PLPP1: variants seen among roughly 807,000 people sequenced by gnomAD.
PLPP1 encodes lipid phosphate phosphohydrolase 1a.
PLPP1 carries 24 observed loss-of-function variants against 31.2 expected under a neutral mutation model. That is an observed-to-expected ratio of 0.77 (90% CI 0.56 to 1.08). PLPP1 has a LOEUF of 1.08. Ranked by LOEUF, PLPP1 falls within the 50% of genes least tolerant of loss-of-function variation. PLPP1 has a pLI of 0.00. For missense variants in PLPP1, 319 were observed against 342.7 expected, an observed-to-expected ratio of 0.93 and a Z score of 0.55; for synonymous variants, 146 against 126.3, an observed-to-expected ratio of 1.16 and a Z score of -1.05.
At chr5:55,445,230 G>A (rs1037501554) in intron 3 of PLPP1, among the ~76,000 whole-genome samples, 1 of 152,112 alleles carries the variant, frequency 6.6e-6, no homozygotes, top group African/African-American at 2.4e-5. Flanking sequence ...CTCCTCGACT[G>A]AGCATTCTTC....
chr5:55,424,978 G>GCACT lies in PLPP1; in HGVS notation c.*224_*227dup. ...TTTAATAAAAATGTATACAGGTGGGGCACTGTTTTGGTGGAAGGCTTGGAG... is the reference window on the plus strand; with the variant it reads ...TTTAATAAAAATGTATACAGGTGGGGCACTCACTGTTTTGGTGGAAGGCTTGGAG... On this transcript the variant is annotated 3_prime_UTR_variant, in exon 6 of 6. Coordinates refer to ENST00000307259, the MANE Select transcript of PLPP1 (RefSeq NM_003711.4). The GCACT allele has an allele frequency of 1.5e-6, 1 of 650,912 alleles. No homozygotes were observed. The highest frequency in any genetic ancestry group is 2.6e-6 in the Non-Finnish European group (1 of 389,932). 40.3% of individuals were successfully genotyped at this position (650,912 alleles called of 1,614,324 possible). A position where few individuals can be genotyped will look rare whatever the true frequency, so the allele number is the denominator to read the frequency against.
At chr5:55,511,301 G>A (rs1753400802) in intron 1 of PLPP1, among the ~76,000 whole-genome samples, 2 of 152,152 alleles carry the variant, frequency 1.3e-5, no homozygotes, top group South Asian at 2.1e-4. Flanking sequence ...CCACAAGGAC[G>A]TTGTACACAG....
intron 4 of PLPP1, among the ~76,000 whole-genome samples, chr5:55,435,922 G>A (rs1434116828): frequency 6.6e-6 from 1 of 150,766 alleles, no homozygotes; most frequent in Non-Finnish European, 1.5e-5. Flanking sequence ...GCTGAGACAG[G>A]AGAACTGCTT....
chr5:55,475,232 A>G (rs563160684), intron 2 of PLPP1, 67 bp downstream of exon 2: 27 of 1,391,618 alleles, frequency 1.9e-5, no homozygotes, highest in Non-Finnish European at 2.5e-5. Context: ...TTAAGCATTA[A>G]AAGAGTAACA....
chr5:55,443,686 C>G (rs1751686163), intron 3 of PLPP1, among the ~76,000 whole-genome samples: 1 of 152,200 alleles, frequency 6.6e-6, no homozygotes, highest in Admixed American at 6.5e-5. Flanking sequence ...AGCTCTGAAT[C>G]AGCCATAGAA....
chr5:55,472,757 GGAA>G (rs879251234), intron 2 of PLPP1, among the ~76,000 whole-genome samples: 9 of 6,440 alleles, frequency 1.4e-3, no homozygotes, highest in Non-Finnish European at 5.6e-3. Flanking sequence ...AAGAGGAAGA[GGAA>G]GAAGAAGAGG....
intron 2 of PLPP1, among the ~76,000 whole-genome samples, chr5:55,474,005 T>TTTGTTTTTTG (rs1561237125): frequency 2.7e-5 from 4 of 150,536 alleles, no homozygotes; most frequent in African/African-American, 9.8e-5. Context: ...TTGTTTTTTT[T>TTTGTTTTTTG]TTTTTTTTCC....
chr5:55,458,502 T>C (rs933555735), intron 3 of PLPP1, among the ~76,000 whole-genome samples: 18 of 151,908 alleles, frequency 1.2e-4, no homozygotes, highest in African/African-American at 4.3e-4. Context: ...AACATGTCAG[T>C]AGGATACTTA....
At chr5:55,494,308 T>C (rs958687064) in intron 1 of PLPP1, among the ~76,000 whole-genome samples, 7 of 152,138 alleles carry the variant, frequency 4.6e-5, no homozygotes, top group African/African-American at 9.7e-5. Flanking sequence ...GAAGAATGTT[T>C]TGAATATAGA....
At chr5:55,533,072 A>G (rs1740734648) in intron 1 of PLPP1, among the ~76,000 whole-genome samples, 1 of 152,158 alleles carries the variant, frequency 6.6e-6, no homozygotes, top group Non-Finnish European at 1.5e-5. Context: ...AAGATGCTTC[A>G]TATTAACAGG....
At chr5:55,478,327 T>A (rs1752601170) in intron 1 of PLPP1, among the ~76,000 whole-genome samples, 1 of 152,196 alleles carries the variant, frequency 6.6e-6, no homozygotes, top group Non-Finnish European at 1.5e-5. Context: ...GTAAACCCAC[T>A]GTGCAAGGAA....
intron 1 of PLPP1, among the ~76,000 whole-genome samples, chr5:55,512,742 A>ACACACACACC (rs1554041672): frequency 2.6e-5 from 4 of 151,908 alleles, no homozygotes; most frequent in South Asian, 2.1e-4. Context: ...ACACACACAC[A>ACACACACACC]CCCCTTTGGG....
At chr5:55,520,821 G>T (rs906317994) in intron 1 of PLPP1, among the ~76,000 whole-genome samples, 2 of 152,338 alleles carry the variant, frequency 1.3e-5, no homozygotes, top group African/African-American at 4.8e-5. Context: ...AATTATTTCA[G>T]AATTCAGCAG....
intron 1 of PLPP1, chr5:55,491,092 T>C: frequency 1.2e-6 from 2 of 1,613,874 alleles, no homozygotes; most frequent in Non-Finnish European, 1.7e-6. Flanking sequence ...GGCCCAATTT[T>C]AGAACAGCCA....
intron 1 of PLPP1, among the ~76,000 whole-genome samples, chr5:55,506,165 T>C (rs1753272169): frequency 6.7e-6 from 1 of 149,552 alleles, no homozygotes; most frequent in African/African-American, 2.5e-5. Flanking sequence ...GAAAAGACTA[T>C]CAACAAAACC....
intron 2 of PLPP1, among the ~76,000 whole-genome samples, chr5:55,469,200 A>G (rs182168649): frequency 2.0e-5 from 3 of 152,226 alleles, no homozygotes; most frequent in Non-Finnish European, 4.4e-5. Flanking sequence ...CAAAATAAAC[A>G]GTTAAGGCCG....
At chr5:55,432,578 G>A (rs1244122055) in intron 4 of PLPP1, among the ~76,000 whole-genome samples, 1 of 152,046 alleles carries the variant, frequency 6.6e-6, no homozygotes, top group Admixed American at 6.6e-5. Flanking sequence ...TGCAACATAA[G>A]AAACCCATAA....
intron 3 of PLPP1, among the ~76,000 whole-genome samples, chr5:55,459,929 A>T (rs1475678540): frequency 5.9e-5 from 9 of 152,208 alleles, no homozygotes; most frequent in Non-Finnish European, 5.9e-5. Context: ...CACTTACTGA[A>T]TAGCAGATAC....
At chr5:55,440,491 T>G (rs6886572) in intron 4 of PLPP1, among the ~76,000 whole-genome samples, 132,672 of 152,230 alleles carry the variant, frequency 0.87, 58,048 homozygotes, top group South Asian at 0.92. Flanking sequence ...AATAGTATTT[T>G]CTGCTAACTA....
Sources: gnomAD v4.1 joint callset for allele counts (sites outside exome capture counted in the v4.1 genomes callset) on GRCh38, gnomAD v4.1.1 for gene constraint, MANE v1.5 for transcripts, NCBI Gene and HGNC (gene_info 2026-07-23, HGNC 2026-07-21) for gene names.